The following C16orf46 variants were observed in gnomAD, a reference collection of about 807,000 sequenced individuals.
C16orf46 encodes the protein chromosome 16 open reading frame 46.
Under a neutral mutation model 5.5 loss-of-function variants are expected in C16orf46, and 7 were observed. The observed-to-expected ratio is 1.28, with a 90% confidence interval of 0.73 to 2.40. C16orf46 has a LOEUF of 2.40. Among genes scored for constraint, C16orf46 ranks in the 30% most tolerant of loss-of-function variants. C16orf46 has a pLI of 0.00. For synonymous variants in C16orf46, 200 were observed against 184.1 expected (o/e 1.09, Z -0.70); for missense variants, 614 against 476.0 (o/e 1.29, Z -2.70).
chr16:81,063,290 C>A (rs1471082603), intron 3 of C16orf46, among the ~76,000 whole-genome samples: 1 of 150,580 alleles, frequency 6.6e-6, no homozygotes, highest in Non-Finnish European at 1.5e-5. Flanking sequence ...CTGAGTAGAG[C>A]CATTAGGAAA....
downstream of C16orf46, among the ~76,000 whole-genome samples, chr16:81,057,454 CAGG>C: frequency 6.7e-6 from 1 of 149,040 alleles, no homozygotes; most frequent in South Asian, 2.1e-4. Flanking sequence ...GAGTCTGAGG[CAGG>C]AGAATTGCTT....
At position 81,063,239 on chromosome 16, in the gene C16orf46, T is replaced by C. The variant is rs901725919; in HGVS notation, c.210+507A>G. Among the ~76,000 whole-genome samples the C allele has an allele frequency of 4.1e-5, 5 of 122,568 alleles. No individual in the cohort carries two copies. In the Admixed American group the frequency reaches 4.7e-4, roughly 12 times the overall value. 80.4% of individuals were successfully genotyped at this position (122,568 alleles called of 152,430 possible). A position where few individuals can be genotyped will look rare whatever the true frequency, so the allele number is the denominator to read the frequency against. ...GCCTGGGCGACAGAAAGAGACTCCA[T>C]CTCAGGGAAAAAAAAAAAAAAAAAA... On this transcript the variant is annotated intron_variant, in intron 3 of 3. Coordinates refer to ENST00000299578, the MANE Select transcript of C16orf46 (RefSeq NM_152337.3).
chr16:81,066,940 A>G (rs1443674223), intron 1 of C16orf46, among the ~76,000 whole-genome samples: 1 of 152,246 alleles, frequency 6.6e-6, no homozygotes, highest in East Asian at 1.9e-4. Flanking sequence ...AAAGCGGGAA[A>G]GCTCAAATAT....
At position 81,063,972 on chromosome 16, in the gene C16orf46, T is replaced by A; in HGVS notation, c.-17A>T. The A allele has an allele frequency of 6.4e-7, 1 of 1,562,060 alleles. No individual in the cohort carries two copies. The highest frequency in any genetic ancestry group is 8.8e-7 in the Non-Finnish European group (1 of 1,142,450). ...GAGATCCATTACTGTGATGCTTGCT[T>A]AAAGTTTTTAACATCTTCTTGCTGT... On this transcript the variant is annotated 5_prime_UTR_variant, in exon 3 of 4. Coordinates refer to ENST00000299578, the MANE Select transcript of C16orf46 (RefSeq NM_152337.3).
chr16:81,061,887 G>C lies in C16orf46; in HGVS notation c.462C>G (p.Thr154=), dbSNP rs1340738615. 3.1e-6 allele frequency: 5 copies of C among 1,614,120 alleles called. No homozygotes were observed. Among genetic ancestry groups the C allele is most frequent in the African/African-American group, 1.3e-5 (1 of 74,938 alleles). Residue 154 remains threonine, a synonymous_variant, in exon 4 of 4, where the codon ACC becomes ACG. Transcript: ENST00000299578. ...GACTTTTTTTCTCTGCTCGAAAGTA[G>C]GTGGGAAAGCAGATGTCGCTAATTG... is the stretch of plus-strand genomic sequence containing the variant. ...SRAISDICFP[T]YFRAEKKSLQ... is the part of the protein sequence containing the mutation.
At chr16:81,073,530 A>C (rs538817666) in intron 1 of C16orf46, among the ~76,000 whole-genome samples, 1 of 152,216 alleles carries the variant, frequency 6.6e-6, no homozygotes, top group African/African-American at 2.4e-5. Flanking sequence ...TATAACATCC[A>C]CAAATATGTT....
intron 3 of C16orf46, among the ~76,000 whole-genome samples, chr16:81,063,438 G>C (rs1971552012): frequency 6.6e-6 from 1 of 151,986 alleles, no homozygotes; most frequent in African/African-American, 2.4e-5. Context: ...TATCTTCCAA[G>C]TGACTCAGTA....
chr16:81,063,797 T>C lies in C16orf46; in HGVS notation c.159A>G (p.Glu53=). ...CLLDVSDITL[E]QDEKAKEFII... is the part of the protein sequence containing the mutation. ...TAAACTCTTTGGCTTTTTCATCTTG[T>C]TCAAGCGTAATGTCACTGACATCGA... The change falls in exon 3 of 4, where the codon GAA becomes GAG. Residue 53 remains glutamate, a synonymous_variant. Transcript: ENST00000299578. 1 of 1,614,136 alleles carries C rather than the reference T, an allele frequency of 6.2e-7. No individual in the cohort carries two copies. The highest frequency in any genetic ancestry group is 8.5e-7 in the Non-Finnish European group (1 of 1,180,026).
intron 1 of C16orf46, chr16:81,072,149 T>C (rs758796668): frequency 6.6e-6 from 1 of 152,250 alleles, no homozygotes; most frequent in African/African-American, 2.4e-5. Context: ...CATCAGACTA[T>C]GCATGGATGA....
Position 81,061,868 on chromosome 16 carries a change from T to C in C16orf46, c.481A>G (p.Lys161Glu), listed in dbSNP as rs748952913. 2 of 1,614,194 alleles carry C rather than the reference T, an allele frequency of 1.2e-6. No individual in the cohort carries two copies. Among genetic ancestry groups the C allele is most frequent in the South Asian group, 2.2e-5 (2 of 91,084 alleles). The change falls in exon 4 of 4, where the codon AAA becomes GAA. Residue 161 changes from lysine (K) to glutamate (E), a missense_variant. Coordinates refer to ENST00000299578, the MANE Select transcript of C16orf46 (RefSeq NM_152337.3). ...ATAAACTCCTTGATTTGCAGACTTT[T>C]TTTCTCTGCTCGAAAGTAGGTGGGA... is the stretch of plus-strand genomic sequence containing the variant. ...CFPTYFRAEK[K>E]SLQIKEFIWC...
chr16:81,071,596 A>C (rs1971853334), intron 1 of C16orf46, among the ~76,000 whole-genome samples: 1 of 152,070 alleles, frequency 6.6e-6, no homozygotes, highest in Non-Finnish European at 1.5e-5. Flanking sequence ...AATTTTTTTT[A>C]ATGGCCAGGC....
chr16:81,053,954 G>T, exon 4 of C16orf46: 2 of 1,101,306 alleles, frequency 1.8e-6, no homozygotes, highest in Middle Eastern at 2.0e-4. Flanking sequence ...TGCAGCGTTT[G>T]ACTCTCTGCT....
In C16orf46 at chr16:81,061,146, T is replaced by A; in HGVS notation, c.*15A>T. Reference sequence around the variant, plus strand: ...CTCAAACGGTGCTTATTCCCAGGGGTTCTACCGCAACCGCTCAGAGGATCC... The same window carrying A: ...CTCAAACGGTGCTTATTCCCAGGGGATCTACCGCAACCGCTCAGAGGATCC... On this transcript the variant is annotated 3_prime_UTR_variant, in exon 4 of 4. Coordinates refer to ENST00000299578, the MANE Select transcript of C16orf46 (RefSeq NM_152337.3). 3 of 1,575,700 alleles carry A rather than the reference T, an allele frequency of 1.9e-6. No homozygotes were observed. Among genetic ancestry groups the A allele is most frequent in the Non-Finnish European group, 2.6e-6 (3 of 1,160,482 alleles).
intron 3 of C16orf46, chr16:81,054,229 G>T: frequency 1.7e-6 from 1 of 597,626 alleles, no homozygotes. Flanking sequence ...CTTTTTCCTT[G>T]GTAGATGAAA....
downstream of C16orf46, among the ~76,000 whole-genome samples, chr16:81,057,538 CAAAA>C (rs11289785): frequency 5.3e-5 from 6 of 112,320 alleles, no homozygotes; most frequent in African/African-American, 6.4e-5. Context: ...GACTCTGTCT[CAAAA>C]AAAAAAAAAA....
At chr16:81,073,850 AAACTG>A (rs1166290275) in intron 1 of C16orf46, among the ~76,000 whole-genome samples, 1 of 151,768 alleles carries the variant, frequency 6.6e-6, no homozygotes, top group African/African-American at 2.4e-5. Flanking sequence ...CAACTTCAAG[AAACTG>A]AATTCAGCCA....
At position 81,061,650 on chromosome 16, in the gene C16orf46, G is replaced by C; in HGVS notation, c.699C>G (p.Phe233Leu). The change falls in exon 4 of 4, where the codon TTC (phenylalanine) becomes TTG (leucine). Residue 233 changes from phenylalanine (F) to leucine (L), a missense_variant. Transcript: ENST00000299578. ...CCAGCACCTTCTCTTCTGACTGCAA[G>C]AAAGAGTTCTTACTCTTCTTACCCA... ...DVLGKKSKNS[F>L]LQSEEKVLDV... 1.2e-6 allele frequency: 2 copies of C among 1,614,162 alleles called. No homozygotes were observed. Among genetic ancestry groups the C allele is most frequent in the Non-Finnish European group, 1.7e-6 (2 of 1,180,026 alleles).
chr16:81,073,786 GC>G (rs1280725762), intron 1 of C16orf46, among the ~76,000 whole-genome samples: 1 of 151,482 alleles, frequency 6.6e-6, no homozygotes, highest in African/African-American at 2.5e-5. Context: ...GCATTTAGGA[GC>G]TGAGAAAAGA....
chr16:81,057,627 G>GT (rs1971338085), downstream of C16orf46, among the ~76,000 whole-genome samples: 1 of 151,862 alleles, frequency 6.6e-6, no homozygotes, highest in South Asian at 2.1e-4. Flanking sequence ...TTTCTTTAGG[G>GT]TTTTTACCAT....
Sources: gnomAD v4.1 joint callset for allele counts (sites outside exome capture counted in the v4.1 genomes callset) on GRCh38, gnomAD v4.1.1 for gene constraint, MANE v1.5 for transcripts, NCBI Gene and HGNC (gene_info 2026-07-23, HGNC 2026-07-21) for gene names.